The following PITPNC1 variants were observed in gnomAD, a reference collection of about 807,000 sequenced individuals.
PITPNC1 encodes the protein phosphatidylinositol transfer protein cytoplasmic 1, also known as cytoplasmic phosphatidylinositol transfer protein 1.
In PITPNC1, 18 loss-of-function variants were observed where a neutral mutation model predicts 44.7. That is an observed-to-expected ratio of 0.40 (90% confidence interval 0.28 to 0.60). The LOEUF is 0.60. Ranked by LOEUF, PITPNC1 falls within the 20% of genes least tolerant of loss-of-function variation. The probability of loss-of-function intolerance (pLI) is 0.39; values close to 1 mark genes in which losing one functional copy is unlikely to be tolerated. For missense variants in PITPNC1, 290 were observed against 418.4 expected (o/e 0.69, Z 2.68); for synonymous variants, 141 against 149.6 (o/e 0.94, Z 0.42).
chr17:67,653,670 T>C (rs1464839927), intron 6 of PITPNC1, among the ~76,000 whole-genome samples: 1 of 152,234 alleles, frequency 6.6e-6, no homozygotes, highest in Non-Finnish European at 1.5e-5. Flanking sequence ...TTCTCTGCAT[T>C]ACGGAACTTT....
chr17:67,397,568 C>G (rs942314449), intron 1 of PITPNC1, among the ~76,000 whole-genome samples: 1 of 152,062 alleles, frequency 6.6e-6, no homozygotes, highest in Non-Finnish European at 1.5e-5. Flanking sequence ...GGGCTGGAGT[C>G]CAGGCTTATG....
intron 5 of PITPNC1, among the ~76,000 whole-genome samples, chr17:67,592,549 A>T (rs1208344282): frequency 6.6e-6 from 1 of 152,250 alleles, no homozygotes; most frequent in Non-Finnish European, 1.5e-5. Context: ...TTGAACAAAG[A>T]ACAAGGAGGC....
chr17:67,406,399 C>G (rs557871070), intron 1 of PITPNC1, among the ~76,000 whole-genome samples: 2 of 152,258 alleles, frequency 1.3e-5, no homozygotes, highest in East Asian at 3.9e-4. Flanking sequence ...CTGGCAGCTA[C>G]TAATCTATAC....
intron 8 of PITPNC1, among the ~76,000 whole-genome samples, chr17:67,690,407 C>A (rs989226942): frequency 6.9e-6 from 1 of 144,010 alleles, no homozygotes; most frequent in Non-Finnish European, 1.5e-5. Flanking sequence ...GAGATCTCGC[C>A]GTTGCACTCC....
At chr17:67,610,226 A>G (rs750901353) in intron 5 of PITPNC1, among the ~76,000 whole-genome samples, 11 of 152,128 alleles carry the variant, frequency 7.2e-5, no homozygotes, top group Non-Finnish European at 1.3e-4. Context: ...CCTGAATCTA[A>G]GCAAGCAAGA....
In PITPNC1 at chr17:67,425,190, C is replaced by CGCGCGCGT. The variant is rs2038733347; in HGVS notation, c.48+46992_48+46993insGCGTGCGC. Among the ~76,000 whole-genome samples the CGCGCGCGT allele has an allele frequency of 8.9e-5, 4 of 45,072 alleles. 1 individual carries two copies. In the South Asian group the frequency reaches 2.3e-3, roughly 26 times the overall value. 29.6% of individuals were successfully genotyped at this position (45,072 alleles called of 152,430 possible). ...GTGAAATAAACAGCCATGTTGTGCGCGCGCACGCACACGCACACACACACA... is the reference window on the plus strand; with the variant it reads ...GTGAAATAAACAGCCATGTTGTGCGCGCGCGCGTGCGCACGCACACGCACACACACACA... On this transcript the variant is annotated intron_variant, in intron 1 of 8. Coordinates refer to ENST00000581322, the MANE Select transcript of PITPNC1 (RefSeq NM_012417.4).
chr17:67,470,349 AC>A (rs756546483), intron 1 of PITPNC1, among the ~76,000 whole-genome samples: 20 of 152,046 alleles, frequency 1.3e-4, no homozygotes, highest in Non-Finnish European at 1.9e-4. Flanking sequence ...ACATTTCATC[AC>A]CCCTAGAACT....
At chr17:67,686,759 A>T (rs1393837205) in intron 8 of PITPNC1, among the ~76,000 whole-genome samples, 1 of 152,170 alleles carries the variant, frequency 6.6e-6, no homozygotes, top group African/African-American at 2.4e-5. Flanking sequence ...ATGCTTTAGG[A>T]GATCTCAGGC....
chr17:67,668,637 G>T (rs554825548), intron 6 of PITPNC1, among the ~76,000 whole-genome samples: 40 of 152,252 alleles, frequency 2.6e-4, no homozygotes, highest in African/African-American at 9.1e-4. Flanking sequence ...GCCGAGGCGG[G>T]CAGATCACGA....
chr17:67,535,477 G>A (rs2040515183), intron 2 of PITPNC1, among the ~76,000 whole-genome samples: 1 of 152,200 alleles, frequency 6.6e-6, no homozygotes, highest in South Asian at 2.1e-4. Flanking sequence ...AAATCAGGAA[G>A]AATTTTAGGA....
At chr17:67,446,053 TCTC>T (rs2039088246) in intron 1 of PITPNC1, among the ~76,000 whole-genome samples, 1 of 152,008 alleles carries the variant, frequency 6.6e-6, no homozygotes. Flanking sequence ...TTCAGGCAAT[TCTC>T]CTGCCTCAGC....
intron 4 of PITPNC1, among the ~76,000 whole-genome samples, chr17:67,562,333 G>GT (rs1225835164): frequency 6.6e-6 from 1 of 152,174 alleles, no homozygotes. Context: ...ACAAGCAGCT[G>GT]TTTTCCGGCT....
intron 1 of PITPNC1, among the ~76,000 whole-genome samples, chr17:67,434,411 A>G (rs571533358): frequency 2.0e-5 from 3 of 152,320 alleles, no homozygotes; most frequent in East Asian, 3.9e-4. Flanking sequence ...CCCACTCCCA[A>G]GTAGCGTTTC....
chr17:67,408,368 A>G (rs937671106), intron 1 of PITPNC1, among the ~76,000 whole-genome samples: 1 of 150,638 alleles, frequency 6.6e-6, no homozygotes, highest in Non-Finnish European at 1.5e-5. Flanking sequence ...CGTCTCTACT[A>G]AAAATACAAA....
chr17:67,536,517 G>A (rs1415732102), intron 2 of PITPNC1, among the ~76,000 whole-genome samples: 4 of 152,204 alleles, frequency 2.6e-5, no homozygotes, highest in Admixed American at 6.5e-5. Flanking sequence ...ATGAGCCACC[G>A]TGCCCAGCCT....
chr17:67,547,400 C>A (rs1460013731), intron 2 of PITPNC1, among the ~76,000 whole-genome samples: 2 of 152,050 alleles, frequency 1.3e-5, no homozygotes, highest in African/African-American at 4.8e-5. Flanking sequence ...CCTTTAGTCG[C>A]AACTACCAGG....
At chr17:67,596,345 T>C (rs930408423) in intron 5 of PITPNC1, among the ~76,000 whole-genome samples, 2 of 152,084 alleles carry the variant, frequency 1.3e-5, no homozygotes, top group African/African-American at 2.4e-5. Flanking sequence ...GGTATGTCTT[T>C]ATTGGGGGCT....
intron 4 of PITPNC1, among the ~76,000 whole-genome samples, chr17:67,571,546 G>T (rs963849092): frequency 6.6e-6 from 1 of 152,252 alleles, no homozygotes; most frequent in Non-Finnish European, 1.5e-5. Flanking sequence ...AACTCACCAG[G>T]TAGAAATCAA....
intron 1 of PITPNC1, among the ~76,000 whole-genome samples, chr17:67,428,142 C>T (rs889862006): frequency 6.6e-6 from 1 of 152,094 alleles, no homozygotes; most frequent in African/African-American, 2.4e-5. Context: ...CTACAGGCAT[C>T]CACCACTGTG....
Sources: allele counts gnomAD v4.1 joint callset (sites outside exome capture counted in the v4.1 genomes callset), GRCh38; gene constraint gnomAD v4.1.1; transcripts MANE v1.5; gene names NCBI Gene and HGNC (gene_info 2026-07-23, HGNC 2026-07-21).